The following DPP6 variants were observed in gnomAD, a reference collection of about 807,000 sequenced individuals.
The protein encoded by DPP6 is dipeptidyl peptidase like 6, also known as A-type potassium channel modulatory protein DPP6.
Under a neutral mutation model 122.6 loss-of-function variants are expected in DPP6, and 69 were observed. That is an observed-to-expected ratio of 0.56 (90% CI 0.46 to 0.69). The LOEUF is 0.69. DPP6 is among the 30% of genes least tolerant of loss of function. The pLI, the probability that DPP6 is intolerant of heterozygous loss-of-function variation, is 0.00. For missense variants in DPP6, 928 were observed against 1,116.9 expected (o/e 0.83, Z 2.41); for synonymous variants, 418 against 433.1 (o/e 0.97, Z 0.43).
chr7:154,433,094 T>C (rs1325710940), intron 1 of DPP6, among the ~76,000 whole-genome samples: 2 of 150,038 alleles, frequency 1.3e-5, no homozygotes, highest in Non-Finnish European at 3.0e-5. Context: ...GTTACAGATA[T>C]AACAAGTTCC....
intron 1 of DPP6, among the ~76,000 whole-genome samples, chr7:153,985,878 T>C (rs1317534573): frequency 6.6e-6 from 1 of 152,206 alleles, no homozygotes; most frequent in Non-Finnish European, 1.5e-5. Flanking sequence ...GAAAACTCTT[T>C]ATTTCAAATC....
chr7:154,243,563 A>C (rs914177344), intron 1 of DPP6, among the ~76,000 whole-genome samples: 1 of 152,182 alleles, frequency 6.6e-6, no homozygotes, highest in Non-Finnish European at 1.5e-5. Flanking sequence ...TGGGAGGCCA[A>C]GGTGGGCAGA....
At chr7:154,414,340 A>T (rs1816847291) in intron 1 of DPP6, among the ~76,000 whole-genome samples, 1 of 152,332 alleles carries the variant, frequency 6.6e-6, no homozygotes, top group Middle Eastern at 3.4e-3. Flanking sequence ...TAAAAAGGAA[A>T]CATTCTTTCA....
intron 7 of DPP6, 130 bp from the exon 8 acceptor site, chr7:154,727,637 T>A: frequency 2.4e-6 from 3 of 1,259,668 alleles, no homozygotes; most frequent in Non-Finnish European, 3.1e-6. Flanking sequence ...ATTTTGAGAC[T>A]GCCTTTGTTC....
At chr7:154,559,794 A>G (rs1454100382) in intron 4 of DPP6, among the ~76,000 whole-genome samples, 2 of 151,836 alleles carry the variant, frequency 1.3e-5, no homozygotes, top group Non-Finnish European at 2.9e-5. Context: ...AGGCCCAGCT[A>G]CTCAAGAGGC....
chr7:154,377,818 T>A (rs1394741057), intron 1 of DPP6, among the ~76,000 whole-genome samples: 1 of 152,230 alleles, frequency 6.6e-6, no homozygotes, highest in Non-Finnish European at 1.5e-5. Flanking sequence ...AATGGGCTGA[T>A]ACAATCACTA....
At chr7:153,961,367 G>A (rs756057251) in intron 1 of DPP6, among the ~76,000 whole-genome samples, 1 of 150,882 alleles carries the variant, frequency 6.6e-6, no homozygotes, top group Non-Finnish European at 1.5e-5. Flanking sequence ...TTTTACCAGG[G>A]CCAGTCTTCT....
intron 10 of DPP6, among the ~76,000 whole-genome samples, chr7:154,776,665 G>A (rs1308698548): frequency 6.6e-6 from 1 of 152,188 alleles, no homozygotes; most frequent in Non-Finnish European, 1.5e-5. Context: ...AATTTAGCCG[G>A]TAAAATCTTA....
chr7:154,553,730 G>C (rs1829804599), intron 4 of DPP6, among the ~76,000 whole-genome samples: 1 of 152,100 alleles, frequency 6.6e-6, no homozygotes, highest in Admixed American at 6.6e-5. Flanking sequence ...GCAGTTATAA[G>C]ATAGGGCTGA....
intron 1 of DPP6, among the ~76,000 whole-genome samples, chr7:154,019,449 C>T (rs557474636): frequency 1.3e-5 from 2 of 151,366 alleles, no homozygotes; most frequent in African/African-American, 4.9e-5. Flanking sequence ...TCTCTTCCTT[C>T]CCTCCTTCCC....
intron 1 of DPP6, among the ~76,000 whole-genome samples, chr7:154,422,865 G>A (rs576685309): frequency 6.6e-6 from 1 of 152,264 alleles, no homozygotes; most frequent in Middle Eastern, 3.4e-3. Flanking sequence ...TCCAGAGCAG[G>A]GTCTCCCAGC....
At chr7:154,574,938 TTG>T (rs1213067120) in intron 5 of DPP6, among the ~76,000 whole-genome samples, 134 of 136,940 alleles carry the variant, frequency 9.8e-4, no homozygotes, top group African/African-American at 3.3e-3. Flanking sequence ...TGTATGTGTG[TTG>T]TGTGTGTGTG....
intron 1 of DPP6, among the ~76,000 whole-genome samples, chr7:154,350,509 A>C (rs141845744): frequency 1.5e-4 from 23 of 152,294 alleles, no homozygotes; most frequent in African/African-American, 5.3e-4. Flanking sequence ...ACCGAGTATC[A>C]TGGAGACATT....
At chr7:154,670,197 C>T (rs1838469905) in intron 7 of DPP6, among the ~76,000 whole-genome samples, 1 of 152,158 alleles carries the variant, frequency 6.6e-6, no homozygotes, top group Non-Finnish European at 1.5e-5. Context: ...ATTTGCTGGC[C>T]CTGATGGAGC....
intron 1 of DPP6, among the ~76,000 whole-genome samples, chr7:154,346,851 G>A (rs886455365): frequency 9.2e-5 from 14 of 152,158 alleles, no homozygotes; most frequent in African/African-American, 3.4e-4. Flanking sequence ...ATTTAATATT[G>A]ACTCTGGAGT....
At chr7:153,868,022 G>A in the DPP6 span, among the ~76,000 whole-genome samples, 1 of 152,274 alleles carries the variant, frequency 6.6e-6, no homozygotes, top group East Asian at 1.9e-4. Context: ...TGGTGGATAA[G>A]CTTTTTGATG....
chr7:153,968,747 A>G (rs566089480), intron 1 of DPP6: 2 of 151,728 alleles, frequency 1.3e-5, no homozygotes, highest in East Asian at 1.9e-4. Flanking sequence ...TAAAACTTCA[A>G]TGCCTGACCC....
At chr7:153,953,255 A>T (rs1354861239) in intron 1 of DPP6, among the ~76,000 whole-genome samples, 1 of 152,166 alleles carries the variant, frequency 6.6e-6, no homozygotes, top group African/African-American at 2.4e-5. Context: ...CCTCAACACC[A>T]CAAGAATTAA....
intron 1 of DPP6, among the ~76,000 whole-genome samples, chr7:154,203,624 T>C (rs1799284846): frequency 6.6e-6 from 1 of 152,144 alleles, no homozygotes; most frequent in South Asian, 2.1e-4. Flanking sequence ...AATACATATG[T>C]GCGATGTGTG....
Sources: gnomAD v4.1 joint callset for allele counts (sites outside exome capture counted in the v4.1 genomes callset) on GRCh38, gnomAD v4.1.1 for gene constraint, MANE v1.5 for transcripts, NCBI Gene and HGNC (gene_info 2026-07-23, HGNC 2026-07-21) for gene names.